Variants in SHLD1 observed in about 807,000 individuals in gnomAD.
SHLD1 encodes the protein RINN1-REV7-interacting novel NHEJ regulator 3.
SHLD1 carries 3 observed loss-of-function variants against 5.5 expected under a neutral mutation model. The ratio of observed to expected loss-of-function variants is 0.54; its 90% CI spans 0.25 to 1.40. SHLD1 has a LOEUF of 1.40. Among genes scored for constraint, SHLD1 ranks in the 40% most tolerant of loss-of-function variants. SHLD1 has a pLI of 0.15. For synonymous variants in SHLD1, 92 were observed against 94.3 expected, an observed-to-expected ratio of 0.98 and a Z score of 0.14; for missense variants, 210 against 244.4, an observed-to-expected ratio of 0.86 and a Z score of 0.94.
chr20:5,751,033 TTTG>T (rs1211276402), intron 1 of SHLD1, among the ~76,000 whole-genome samples: 1 of 152,078 alleles, frequency 6.6e-6, no homozygotes, highest in East Asian at 1.9e-4. Flanking sequence ...TAAGGGTTTT[TTTG>T]TTGTTGTTGA....
At chr20:5,826,232 T>C (rs2087663575) in intron 2 of SHLD1, among the ~76,000 whole-genome samples, 1 of 152,180 alleles carries the variant, frequency 6.6e-6, no homozygotes, top group Non-Finnish European at 1.5e-5. Context: ...TTGTTGAAGC[T>C]CCTGTAGGAA....
intron 2 of SHLD1, among the ~76,000 whole-genome samples, chr20:5,835,830 T>C (rs2087782423): frequency 6.6e-6 from 1 of 152,214 alleles, no homozygotes; most frequent in African/African-American, 2.4e-5. Context: ...ACAGGAAAAG[T>C]TGCAGAAAAA....
intron 2 of SHLD1, among the ~76,000 whole-genome samples, chr20:5,860,876 TAAAAAAAAAAAAAAAAA>T (rs10555301): frequency 5.0e-4 from 50 of 100,786 alleles, no homozygotes; most frequent in African/African-American, 1.2e-3. Context: ...TACTATTCTT[TAAAAAAAAAAAAAAAAA>T]AAAAAAAAAA....
chr20:5,817,489 G>T (rs1600151663), intron 2 of SHLD1, among the ~76,000 whole-genome samples: 1 of 149,456 alleles, frequency 6.7e-6, no homozygotes, highest in Non-Finnish European at 1.5e-5. Context: ...TTACAGGCGT[G>T]AGCCACTGCA....
intron 2 of SHLD1, among the ~76,000 whole-genome samples, chr20:5,788,766 A>G (rs1003018795): frequency 3.9e-5 from 6 of 152,248 alleles, no homozygotes; most frequent in African/African-American, 4.8e-5. Flanking sequence ...CATGAATTAT[A>G]TAATTTGAAA....
intron 2 of SHLD1, among the ~76,000 whole-genome samples, chr20:5,846,465 A>C (rs2087934123): frequency 6.6e-6 from 1 of 152,244 alleles, no homozygotes. Context: ...TTGCCATAGC[A>C]ACCAAGATCC....
chr20:5,844,943 C>T (rs1017057064), intron 2 of SHLD1, among the ~76,000 whole-genome samples: 11 of 151,288 alleles, frequency 7.3e-5, no homozygotes, highest in African/African-American at 1.5e-4. Context: ...TACAGGTGCA[C>T]GCCACCATGC....
Position 5,806,222 on chromosome 20 carries a change from A to G in SHLD1, c.178+33179A>G, listed in dbSNP as rs2087373303. Among the ~76,000 whole-genome samples, 1 of 152,152 alleles carries G rather than the reference A, an allele frequency of 6.6e-6. No individual in the cohort carries two copies. Among genetic ancestry groups the G allele is most frequent in the Non-Finnish European group, 1.5e-5 (1 of 68,038 alleles). ...CTGTTTTATGGGGACAATAATATCT[A>G]CCTGATGGGTGGACACATAGTAGCT... is the stretch of plus-strand genomic sequence containing the variant. On this transcript the variant is annotated intron_variant, in intron 2 of 2. Coordinates refer to ENST00000303142, the MANE Select transcript of SHLD1 (RefSeq NM_152504.4). This position sits in a 1 kb window ranked among gnomAD's most constrained non-coding sequence, Gnocchi z 7.6.
chr20:5,778,268 C>G (rs1460038799), intron 2 of SHLD1, among the ~76,000 whole-genome samples: 2 of 150,570 alleles, frequency 1.3e-5, no homozygotes, highest in South Asian at 4.2e-4. Flanking sequence ...AGGTGCCCAC[C>G]ACCATGCCTG....
At chr20:5,752,616 T>TTG (rs200457230) in intron 1 of SHLD1, among the ~76,000 whole-genome samples, 98 of 82,000 alleles carry the variant, frequency 1.2e-3, no homozygotes, top group South Asian at 2.1e-3. Context: ...TATTTTGGGG[T>TTG]TTTTTTTTTT....
intron 2 of SHLD1, among the ~76,000 whole-genome samples, chr20:5,788,254 A>T (rs2087089308): frequency 6.6e-6 from 1 of 152,132 alleles, no homozygotes; most frequent in Admixed American, 6.6e-5. Context: ...AAAAAACAAA[A>T]AAACAGAGGT....
chr20:5,859,671 A>G lies in SHLD1; in HGVS notation c.179-3353A>G, dbSNP rs574733926. On this transcript the variant is annotated intron_variant, in intron 2 of 2. Coordinates refer to ENST00000303142, the MANE Select transcript of SHLD1 (RefSeq NM_152504.4). ...GCCTTATGATTAGAGAGGAGGCTTT[A>G]TAGTTGGTAGTAAAGCAAATTTTAA... Among the ~76,000 whole-genome samples the G allele has an allele frequency of 2.3e-3, 353 of 152,362 alleles. 2 individuals are homozygous for G. Among genetic ancestry groups the G allele is most frequent in the Admixed American group, 6.4e-3 (98 of 15,306 alleles).
chr20:5,821,823 G>C (rs1163219430), intron 2 of SHLD1, among the ~76,000 whole-genome samples: 2 of 152,198 alleles, frequency 1.3e-5, no homozygotes, highest in Non-Finnish European at 2.9e-5. Flanking sequence ...GGGCTGCTGA[G>C]TGTCCTTGAA....
intron 2 of SHLD1, among the ~76,000 whole-genome samples, chr20:5,832,503 A>C (rs910402113): frequency 1.3e-5 from 2 of 152,036 alleles, no homozygotes; most frequent in African/African-American, 4.8e-5. Flanking sequence ...GGATCTTGCT[A>C]TGTTGCCTGG....
chr20:5,843,298 T>TTTG (rs1417833460), intron 2 of SHLD1, among the ~76,000 whole-genome samples: 1,629 of 151,840 alleles, frequency 0.011, 35 homozygotes, highest in African/African-American at 0.037. Flanking sequence ...TTTTTTTCTT[T>TTTG]TTTTTTTTTC....
At chr20:5,761,388 C>A (rs1327486684) in intron 1 of SHLD1, among the ~76,000 whole-genome samples, 1 of 150,972 alleles carries the variant, frequency 6.6e-6, no homozygotes, top group African/African-American at 2.4e-5. Flanking sequence ...AAATATGCAC[C>A]TTCTGCACAT....
intron 1 of SHLD1, among the ~76,000 whole-genome samples, chr20:5,751,453 C>T (rs555367506): frequency 6.6e-6 from 1 of 152,104 alleles, no homozygotes; most frequent in South Asian, 2.1e-4. Flanking sequence ...ACTACAGGCG[C>T]CTGCCACCAC....
intron 2 of SHLD1, among the ~76,000 whole-genome samples, chr20:5,838,056 G>A (rs879701861): frequency 3.3e-5 from 5 of 152,160 alleles, no homozygotes; most frequent in Non-Finnish European, 5.9e-5. Flanking sequence ...ATTTAGTAGC[G>A]ATCAATCTTT....
intron 2 of SHLD1, among the ~76,000 whole-genome samples, chr20:5,789,451 C>T (rs1263019345): frequency 6.6e-6 from 1 of 151,514 alleles, no homozygotes; most frequent in Non-Finnish European, 1.5e-5. Context: ...GTGGTGGGCA[C>T]CTGTAATCCC....
Sources: allele counts gnomAD v4.1 joint callset (sites outside exome capture counted in the v4.1 genomes callset), GRCh38; gene constraint gnomAD v4.1.1; non-coding constraint Gnocchi (gnomAD v3.1); transcripts MANE v1.5; gene names NCBI Gene and HGNC (gene_info 2026-07-23, HGNC 2026-07-21).